Variants in SUGCT observed in about 807,000 individuals in gnomAD.
SUGCT encodes succinyl-CoA:glutarate CoA-transferase.
A neutral mutation model predicts 55.0 loss-of-function variants in SUGCT; 41 were observed. That is an observed-to-expected ratio of 0.74 (90% CI 0.58 to 0.97). The LOEUF is 0.97. SUGCT is among the 50% of genes least tolerant of loss of function. The probability of loss-of-function intolerance (pLI) is 0.00; values close to 1 mark genes in which losing one functional copy is unlikely to be tolerated. For synonymous variants in SUGCT, 187 were observed against 200.4 expected, an observed-to-expected ratio of 0.93 and a Z score of 0.56; for missense variants, 568 against 547.8, an observed-to-expected ratio of 1.04 and a Z score of -0.37.
intron 12 of SUGCT, among the ~76,000 whole-genome samples, chr7:40,660,223 C>A (rs1423348856): frequency 6.6e-6 from 1 of 152,104 alleles, no homozygotes; most frequent in Non-Finnish European, 1.5e-5. Flanking sequence ...TGATATACAG[C>A]CAGTGAAATG....
At chr7:40,369,746 C>G (rs900070218) in intron 9 of SUGCT, among the ~76,000 whole-genome samples, 1 of 152,086 alleles carries the variant, frequency 6.6e-6, no homozygotes, top group Non-Finnish European at 1.5e-5. Context: ...GGATGGAAGC[C>G]ACAGAGAATA....
At chr7:40,262,778 A>G (rs1791313668) in intron 7 of SUGCT, among the ~76,000 whole-genome samples, 1 of 152,182 alleles carries the variant, frequency 6.6e-6, no homozygotes, top group Admixed American at 6.5e-5. Context: ...ATTGTCTGAA[A>G]AGGAAAGATG....
At chr7:40,667,646 G>C (rs556746407) in intron 12 of SUGCT, among the ~76,000 whole-genome samples, 1 of 151,764 alleles carries the variant, frequency 6.6e-6, no homozygotes, top group African/African-American at 2.4e-5. Context: ...GTCTGTTTAG[G>C]GTTTCAGTTT....
intron 9 of SUGCT, among the ~76,000 whole-genome samples, chr7:40,442,797 T>C (rs1308998721): frequency 6.6e-6 from 1 of 152,188 alleles, no homozygotes; most frequent in African/African-American, 2.4e-5. Flanking sequence ...TGTGTATACA[T>C]GTGCCATGTT....
At chr7:40,380,753 A>G (rs1784829791) in intron 9 of SUGCT, among the ~76,000 whole-genome samples, 1 of 152,162 alleles carries the variant, frequency 6.6e-6, no homozygotes, top group African/African-American at 2.4e-5. Context: ...CATTTTGTCA[A>G]AATTTGTGGT....
intron 13 of SUGCT, among the ~76,000 whole-genome samples, chr7:40,849,850 G>C (rs190241558): frequency 1.8e-3 from 268 of 152,238 alleles, no homozygotes; most frequent in Middle Eastern, 0.01. Flanking sequence ...CGACAGAGGA[G>C]ATAGTGAAGG....
chr7:40,868,622 T>C, the SUGCT span, among the ~76,000 whole-genome samples: 1 of 152,162 alleles, frequency 6.6e-6, no homozygotes, highest in East Asian at 1.9e-4. Flanking sequence ...TAATAGCACA[T>C]TGCAGTCTCA....
At chr7:40,592,359 A>C (rs1797773230) in intron 12 of SUGCT, among the ~76,000 whole-genome samples, 1 of 152,166 alleles carries the variant, frequency 6.6e-6, no homozygotes, top group Non-Finnish European at 1.5e-5. Flanking sequence ...AGACCATAAG[A>C]TGAGGCATCC....
intron 12 of SUGCT, among the ~76,000 whole-genome samples, chr7:40,551,267 G>A (rs117783621): frequency 0.016 from 2,450 of 152,150 alleles, 28 homozygotes; most frequent in Non-Finnish European, 0.026. Flanking sequence ...GTTGATTTCT[G>A]GAATAAGAGG....
intron 12 of SUGCT, chr7:40,538,761 G>C (rs1216698725): frequency 6.6e-6 from 1 of 152,150 alleles, no homozygotes; most frequent in Non-Finnish European, 1.5e-5. Context: ...ACAATACAAA[G>C]AATGATAAGC....
intron 1 of SUGCT, among the ~76,000 whole-genome samples, chr7:40,180,243 C>A (rs1040807615): frequency 6.6e-6 from 1 of 151,702 alleles, no homozygotes; most frequent in Non-Finnish European, 1.5e-5. Context: ...CCTGCCTCAG[C>A]GAGTAGCTAG....
the SUGCT span, among the ~76,000 whole-genome samples, chr7:40,925,402 A>G: frequency 1.2e-4 from 18 of 152,232 alleles, no homozygotes; most frequent in Non-Finnish European, 2.1e-4. Context: ...CTAATAGAAT[A>G]CAATCACAAT....
chr7:40,805,476 T>A (rs1348469871), intron 13 of SUGCT, among the ~76,000 whole-genome samples: 1 of 152,232 alleles, frequency 6.6e-6, no homozygotes, highest in Non-Finnish European at 1.5e-5. Flanking sequence ...AAGCATTGTT[T>A]ACTATTTATA....
At chr7:40,349,712 G>T (rs576844207) in intron 9 of SUGCT, among the ~76,000 whole-genome samples, 1 of 152,202 alleles carries the variant, frequency 6.6e-6, no homozygotes, top group South Asian at 2.1e-4. Flanking sequence ...TCACTCTGTT[G>T]CCCAGGCTGT....
chr7:40,502,340 A>G (rs1792326032), intron 12 of SUGCT, among the ~76,000 whole-genome samples: 2 of 152,052 alleles, frequency 1.3e-5, no homozygotes, highest in African/African-American at 4.8e-5. Context: ...GAATTATACT[A>G]TTTGGGGGCA....
At chr7:40,889,723 G>A in the SUGCT span, among the ~76,000 whole-genome samples, 1 of 152,138 alleles carries the variant, frequency 6.6e-6, no homozygotes. Context: ...AGGTCAAGTA[G>A]TTTATTACCT....
intron 9 of SUGCT, among the ~76,000 whole-genome samples, chr7:40,424,568 CTA>C (rs904985583): frequency 3.9e-5 from 6 of 152,124 alleles, no homozygotes; most frequent in African/African-American, 1.4e-4. Flanking sequence ...CACTTTACTT[CTA>C]TATGTTTCAG....
intron 13 of SUGCT, among the ~76,000 whole-genome samples, chr7:40,847,877 G>C (rs1024900965): frequency 2.6e-5 from 4 of 152,142 alleles, no homozygotes; most frequent in Admixed American, 2.0e-4. Context: ...AGTTAAGCCT[G>C]GAGGCTGAGT....
At chr7:40,491,375 G>T (rs1386556123) in intron 11 of SUGCT, among the ~76,000 whole-genome samples, 1 of 152,176 alleles carries the variant, frequency 6.6e-6, no homozygotes, top group Non-Finnish European at 1.5e-5. Flanking sequence ...TATCTAAGTT[G>T]TAAGAAATGA....
Sources: gnomAD v4.1 joint callset for allele counts (sites outside exome capture counted in the v4.1 genomes callset) on GRCh38, gnomAD v4.1.1 for gene constraint, MANE v1.5 for transcripts, NCBI Gene and HGNC (gene_info 2026-07-23, HGNC 2026-07-21) for gene names.